LRRTM4: variants seen among roughly 807,000 people sequenced by gnomAD.
LRRTM4 encodes leucine rich repeat transmembrane neuronal 4, also known as leucine-rich repeat transmembrane neuronal protein 4.
A neutral mutation model predicts 47.6 loss-of-function variants in LRRTM4; 25 were observed. The observed-to-expected ratio is 0.53, with a 90% CI of 0.38 to 0.73. LRRTM4 has a LOEUF of 0.73. Ranked by LOEUF, LRRTM4 falls within the 30% of genes least tolerant of loss-of-function variation. LRRTM4 has a pLI of 0.00. For missense variants in LRRTM4, 638 were observed against 713.4 expected (o/e 0.89, Z 1.20); for synonymous variants, 311 against 269.5 (o/e 1.15, Z -1.51).
At chr2:77,499,249 T>C (rs982066463) in intron 3 of LRRTM4, among the ~76,000 whole-genome samples, 1 of 151,914 alleles carries the variant, frequency 6.6e-6, no homozygotes, top group African/African-American at 2.4e-5. Context: ...ACCAATTACC[T>C]GGTCCGAAAT....
At chr2:77,089,585 C>T (rs1680859555) in intron 3 of LRRTM4, among the ~76,000 whole-genome samples, 1 of 151,902 alleles carries the variant, frequency 6.6e-6, no homozygotes, top group Non-Finnish European at 1.5e-5. Flanking sequence ...CGAACCCCTT[C>T]CCTCTGTTTC....
In LRRTM4 at chr2:77,107,161, G is replaced by C. The variant is rs539075699; in HGVS notation, c.1552-358245C>G. On this transcript the variant is annotated intron_variant, in intron 3 of 3. Coordinates refer to ENST00000409884, the MANE Select transcript of LRRTM4 (RefSeq NM_001134745.3). The stretch of plus-strand genomic sequence containing the variant: ...ATTGGAAGTTAAGAAAAGACAATAG[G>C]AAAGTCTTTGGATGCTAAATTTCTA... 1.3e-5 allele frequency among the ~76,000 whole-genome samples: 2 copies of C among 151,976 alleles called. 1 individual carries two copies. Among genetic ancestry groups the C allele is most frequent in the Admixed American group, 1.3e-4 (2 of 15,260 alleles).
In LRRTM4 at chr2:76,812,673, C is replaced by CTTTCTT. The variant is rs1553413488; in HGVS notation, c.1552-63758_1552-63757insAAGAAA. On this transcript the variant is annotated intron_variant, in intron 3 of 3. Transcript: ENST00000409884. ...TATGAAGGAGACTGTTACAAATAAG[C>CTTTCTT]TCTTTCTTTCTTTCTTTCTTTCTTT... Among the ~76,000 whole-genome samples, 168 of 147,934 alleles carry CTTTCTT rather than the reference C, an allele frequency of 1.1e-3. 2 individuals are homozygous for CTTTCTT. In the South Asian group the frequency reaches 0.022, roughly 19 times the overall value.
chr2:76,799,252 C>G (rs1183812996), intron 3 of LRRTM4, among the ~76,000 whole-genome samples: 1 of 115,672 alleles, frequency 8.6e-6, no homozygotes, highest in Admixed American at 8.3e-5. Flanking sequence ...GCTTATCCAC[C>G]ATGATCAAGT....
chr2:77,009,099 G>A (rs1031490176), intron 3 of LRRTM4: 1 of 151,986 alleles, frequency 6.6e-6, no homozygotes, highest in African/African-American at 2.4e-5. Context: ...ATGAGAATTG[G>A]CACCAATGAA....
intron 3 of LRRTM4, among the ~76,000 whole-genome samples, chr2:77,304,764 A>G (rs957025232): frequency 1.4e-4 from 22 of 152,106 alleles, no homozygotes; most frequent in Non-Finnish European, 2.6e-4. Context: ...CTCTTAAACC[A>G]GGTGAAATTG....
chr2:76,788,724 T>C (rs889416317), intron 3 of LRRTM4, among the ~76,000 whole-genome samples: 2 of 152,226 alleles, frequency 1.3e-5, no homozygotes, highest in African/African-American at 2.4e-5. Context: ...ATATCTATTC[T>C]ATCAATGTGA....
chr2:77,286,408 T>A (rs1676660431), intron 3 of LRRTM4, among the ~76,000 whole-genome samples: 1 of 151,974 alleles, frequency 6.6e-6, no homozygotes, highest in Non-Finnish European at 1.5e-5. Context: ...TTATTAATAA[T>A]CATACTCTTT....
At chr2:77,480,843 GAGA>G (rs1384686228) in intron 3 of LRRTM4, among the ~76,000 whole-genome samples, 31 of 143,012 alleles carry the variant, frequency 2.2e-4, no homozygotes, top group African/African-American at 7.1e-4. Flanking sequence ...GAGAGAGAGA[GAGA>G]GAGAGAGAGA....
intron 3 of LRRTM4, among the ~76,000 whole-genome samples, chr2:76,779,156 T>A (rs1452794145): frequency 6.6e-6 from 1 of 152,044 alleles, no homozygotes; most frequent in Admixed American, 6.5e-5. Context: ...TCTTTTACAT[T>A]TGCTGAGGAG....
At chr2:77,315,631 C>T (rs1039889488) in intron 3 of LRRTM4, among the ~76,000 whole-genome samples, 1 of 152,268 alleles carries the variant, frequency 6.6e-6, no homozygotes, top group South Asian at 2.1e-4. Context: ...TAGACCCTAA[C>T]CTTCCTTTCC....
chr2:77,011,437 G>A (rs1677869391), intron 3 of LRRTM4, among the ~76,000 whole-genome samples: 1 of 151,852 alleles, frequency 6.6e-6, no homozygotes, highest in Admixed American at 6.6e-5. Context: ...ATTGGAACTG[G>A]TAGAGAAAAC....
At chr2:77,250,226 C>A (rs898126567) in intron 3 of LRRTM4, among the ~76,000 whole-genome samples, 3 of 152,204 alleles carry the variant, frequency 2.0e-5, no homozygotes, top group South Asian at 4.2e-4. Context: ...ACTATCACGT[C>A]ATAATAAATT....
At chr2:76,911,249 T>C (rs191761940) in intron 3 of LRRTM4, among the ~76,000 whole-genome samples, 3 of 152,294 alleles carry the variant, frequency 2.0e-5, no homozygotes, top group East Asian at 1.9e-4. Context: ...GTGAAGCCAG[T>C]AGAGTAAAAA....
intron 3 of LRRTM4, among the ~76,000 whole-genome samples, chr2:76,786,309 G>A (rs1024272279): frequency 2.0e-5 from 3 of 151,892 alleles, no homozygotes; most frequent in African/African-American, 7.2e-5. Context: ...TATTGGTTAA[G>A]AATATTTATA....
At chr2:76,901,619 TTTAA>T (rs1308914462) in intron 3 of LRRTM4, among the ~76,000 whole-genome samples, 3 of 152,240 alleles carry the variant, frequency 2.0e-5, no homozygotes, top group East Asian at 1.9e-4. Context: ...GACTTTTCTG[TTTAA>T]TTGAGATCTA....
intron 3 of LRRTM4, among the ~76,000 whole-genome samples, chr2:77,471,904 A>G (rs1376485230): frequency 6.6e-6 from 1 of 152,192 alleles, no homozygotes; most frequent in East Asian, 1.9e-4. Context: ...CTGTATTTAC[A>G]ACTTTGCCTA....
chr2:76,883,096 G>T (rs773987768), intron 3 of LRRTM4, among the ~76,000 whole-genome samples: 3 of 152,068 alleles, frequency 2.0e-5, no homozygotes, highest in Non-Finnish European at 4.4e-5. Flanking sequence ...CACTCTCCTG[G>T]TTCCAGTGAG....
In LRRTM4 at chr2:77,441,108, A is replaced by T. The variant is rs751240496; in HGVS notation, c.1551+77210T>A. On this transcript the variant is annotated intron_variant, in intron 3 of 3. Transcript: ENST00000409884. Reference sequence around the variant, plus strand: ...TAATAAATTGGTACAAAGTCTGTTTAGTGCCTAAACATTCCTATCACACCA... The same window carrying T: ...TAATAAATTGGTACAAAGTCTGTTTTGTGCCTAAACATTCCTATCACACCA... 1.0e-3 allele frequency among the ~76,000 whole-genome samples: 157 copies of T among 152,264 alleles called. 2 individuals carry two copies. The highest frequency in any genetic ancestry group is 2.9e-4 in the Non-Finnish European group (20 of 68,038).
Sources: gnomAD v4.1 joint callset for allele counts (sites outside exome capture counted in the v4.1 genomes callset) on GRCh38, gnomAD v4.1.1 for gene constraint, MANE v1.5 for transcripts, NCBI Gene and HGNC (gene_info 2026-07-23, HGNC 2026-07-21) for gene names.